Variants in PNKD observed in about 807,000 individuals in gnomAD.
PNKD encodes the protein PNKD metallo-beta-lactamase domain containing.
Under a neutral mutation model 45.3 loss-of-function variants are expected in PNKD, and 36 were observed. The observed-to-expected ratio is 0.80, with a 90% CI of 0.61 to 1.05. PNKD has a LOEUF of 1.05. PNKD is among the 50% of genes least tolerant of loss of function. PNKD has a pLI of 0.00. For synonymous variants in PNKD, 197 were observed against 210.1 expected, an observed-to-expected ratio of 0.94 and a Z score of 0.54; for missense variants, 511 against 506.6, an observed-to-expected ratio of 1.01 and a Z score of -0.08.
At chr2:218,324,080 C>G (rs1419354301) in intron 2 of PNKD, among the ~76,000 whole-genome samples, 1 of 152,200 alleles carries the variant, frequency 6.6e-6, no homozygotes, top group Admixed American at 6.5e-5. Context: ...TGATTTGTCT[C>G]CGTCGACCCT....
In PNKD at chr2:218,315,120, C is replaced by CTTTCTTTCTTTCTTTCTTTCTTT. The variant is rs1553667879; in HGVS notation, c.237-24663_237-24662insTTTCTTTCTTTCTTTCTTTCTTT. Among the ~76,000 whole-genome samples the CTTTCTTTCTTTCTTTCTTTCTTT allele has an allele frequency of 1.5e-4, 7 of 47,174 alleles. No individual in the cohort carries two copies. The South Asian group carries it at 0.012, about 78-fold the overall frequency. 30.9% of individuals were successfully genotyped at this position (47,174 alleles called of 152,430 possible). A position where few individuals can be genotyped will look rare whatever the true frequency, so the allele number is the denominator to read the frequency against. The stretch of plus-strand genomic sequence containing the variant: ...TCCTTCCTTCCTTCCTTCCTTCCTT[C>CTTTCTTTCTTTCTTTCTTTCTTT]CTTTCTTTCTTTCTTTCTTTCTTTC... On this transcript the variant is annotated intron_variant, in intron 2 of 9. Transcript: ENST00000273077.
chr2:218,316,268 CTT>C (rs397972881), intron 2 of PNKD, among the ~76,000 whole-genome samples: 3 of 119,582 alleles, frequency 2.5e-5, no homozygotes, highest in Admixed American at 9.3e-5. Context: ...TTCTTTCTTT[CTT>C]TTTTTTTTTT....
intron 2 of PNKD, chr2:218,277,571 A>G: frequency 6.2e-7 from 1 of 1,612,296 alleles, no homozygotes; most frequent in South Asian, 1.1e-5. Context: ...CTGCCGGCCC[A>G]GGAACACCCC....
chr2:218,314,319 C>G (rs146568540), intron 2 of PNKD, among the ~76,000 whole-genome samples: 224 of 146,662 alleles, frequency 1.5e-3, no homozygotes, highest in African/African-American at 5.5e-3. Context: ...CCTCCCAGGC[C>G]CAAGAGATCC....
At chr2:218,331,783 T>C (rs1694329801) in intron 2 of PNKD, among the ~76,000 whole-genome samples, 1 of 152,224 alleles carries the variant, frequency 6.6e-6, no homozygotes, top group African/African-American at 2.4e-5. Flanking sequence ...TTTGTATTTT[T>C]AATGAATATA....
At chr2:218,293,188 T>G (rs1284152928) in intron 2 of PNKD, among the ~76,000 whole-genome samples, 1 of 152,250 alleles carries the variant, frequency 6.6e-6, no homozygotes, top group Non-Finnish European at 1.5e-5. Context: ...TCAGAAGTCC[T>G]ACATTGAGAT....
At chr2:218,275,699 T>G in intron 2 of PNKD, 1 of 1,535,772 alleles carries the variant, frequency 6.5e-7, no homozygotes, top group African/African-American at 1.4e-5. Flanking sequence ...AGATTTGTCT[T>G]GGGGGCCTAT....
intron 2 of PNKD, among the ~76,000 whole-genome samples, 196 bp from the exon 3 acceptor site, chr2:218,339,587 G>A (rs1375440360): frequency 1.3e-5 from 2 of 152,052 alleles, no homozygotes; most frequent in African/African-American, 4.8e-5. Flanking sequence ...TGAGTTCTAG[G>A]TGTGTCCGTC....
Position 218,340,234 on chromosome 2 carries a change from C to T in PNKD, c.465+93C>T. 1 of 793,038 alleles carries T rather than the reference C, an allele frequency of 1.3e-6. No homozygotes were observed. The allele number at this position is 793,038 out of a possible 1,614,324, so 49.1% of individuals were successfully genotyped here. On this transcript the variant is annotated intron_variant, in intron 4 of 9. Transcript: ENST00000273077. The surrounding 1 kb of genome is among the most constrained non-coding windows in gnomAD (Gnocchi z 4.2). ...GAGAGGGCTGACCCTTGTCCGTCTG[C>T]CCGTGGGATGTGTCCCATATGCTCC...
At chr2:218,339,942 C>T (rs1194091928) in intron 3 of PNKD, 44 bp downstream of exon 3, 1 of 1,476,962 alleles carries the variant, frequency 6.8e-7, no homozygotes, top group Admixed American at 1.8e-5. Flanking sequence ...TTCTGTGCCC[C>T]CACCCTCCCC....
rs1289439135 is a variant in PNKD, at chr2:218,272,458, T to C, written c.236+909T>C. On this transcript the variant is annotated intron_variant, in intron 2 of 9. Transcript: ENST00000273077. ...GCCAGCACAGAGGATGAATAGACTA[T>C]AAGAGGTATTGCAGCATTCATGCAA... 4 of 949,106 alleles carry C rather than the reference T, an allele frequency of 4.2e-6. No homozygotes were observed. The African/African-American group carries it at 6.4e-5, about 15-fold the overall frequency. The allele number at this position is 949,106 out of a possible 1,614,324, so 58.8% of individuals were successfully genotyped here. A position where few individuals can be genotyped will look rare whatever the true frequency, so the allele number is the denominator to read the frequency against.
At chr2:218,323,119 G>A in intron 2 of PNKD, 1 of 1,249,112 alleles carries the variant, frequency 8.0e-7, no homozygotes, top group Non-Finnish European at 1.0e-6. Context: ...TGGTGAGGGG[G>A]CGGGTCCAAA....
At chr2:218,308,119 CA>C (rs5838690) in intron 2 of PNKD, among the ~76,000 whole-genome samples, 68,299 of 150,478 alleles carry the variant, frequency 0.45, 17,943 homozygotes, top group South Asian at 0.63. Context: ...TTTAAAAGCA[CA>C]AAAAAATAAT....
rs754958157 is a variant in PNKD at position 218,340,103 on chromosome 2, G to C, written c.427G>C (p.Ala143Pro). ...CATCATCGACACCCAGGCCCAGCTG[G>C]CTGTGGCTGTGGACCCTTCAGACCC... The part of the protein sequence containing the change: ...YLIIDTQAQL[A>P]VAVDPSDPRA... The change falls in exon 4 of 10, where the codon GCT (alanine) becomes CCT (proline). Residue 143 changes from alanine (A) to proline (P), a missense_variant. Physicochemically the swap from Ala to Pro is conservative, Grantham distance 27 (BLOSUM62 -1). Transcript: ENST00000273077. This position sits in a 1 kb window ranked among gnomAD's most constrained non-coding sequence, Gnocchi z 4.2. 3.1e-6 allele frequency: 5 copies of C among 1,613,854 alleles called. No individual in the cohort carries two copies. The highest frequency in any genetic ancestry group is 3.4e-6 in the Non-Finnish European group (4 of 1,179,818).
At chr2:218,272,690 T>C (rs1299597441) in intron 2 of PNKD, 1 of 1,614,160 alleles carries the variant, frequency 6.2e-7, no homozygotes, top group South Asian at 1.1e-5. Context: ...CGGGCGAGTA[T>C]GAGAGCCAGA....
intron 2 of PNKD, among the ~76,000 whole-genome samples, chr2:218,335,697 T>C (rs1694468993): frequency 6.6e-6 from 1 of 151,874 alleles, no homozygotes; most frequent in South Asian, 2.1e-4. Flanking sequence ...AAATAAAGGT[T>C]GGCAAAGCCC....
intron 2 of PNKD, chr2:218,272,518 T>G: frequency 6.3e-7 from 1 of 1,591,476 alleles, no homozygotes; most frequent in South Asian, 1.1e-5. Context: ...CCAGCTCCTC[T>G]GGCTCAGGCT....
chr2:218,318,950 C>CTTTTTT (rs769001811), intron 2 of PNKD, among the ~76,000 whole-genome samples: 18 of 99,900 alleles, frequency 1.8e-4, no homozygotes, highest in Non-Finnish European at 2.4e-4. Flanking sequence ...TTTTTTTTTT[C>CTTTTTT]TTTTTTTTTT....
In PNKD at chr2:218,280,303, C is replaced by T. The variant is rs938206649; in HGVS notation, c.236+8754C>T. 5.2e-5 allele frequency: 30 copies of T among 572,822 alleles called. 1 individual carries two copies. In the East Asian group the frequency reaches 8.8e-4, roughly 17 times the overall value. 35.5% of individuals were successfully genotyped at this position (572,822 alleles called of 1,614,324 possible). A position where few individuals can be genotyped will look rare whatever the true frequency, so the allele number is the denominator to read the frequency against. ...CACCCTCAGAGTGACCCAGAGCCGGCCTGTCACGAGGGGGCTTAGGTGGGA... is the reference window on the plus strand; with the variant it reads ...CACCCTCAGAGTGACCCAGAGCCGGTCTGTCACGAGGGGGCTTAGGTGGGA... On this transcript the variant is annotated intron_variant, in intron 2 of 9. Coordinates refer to ENST00000273077, the MANE Select transcript of PNKD (RefSeq NM_015488.5).
Sources: gnomAD v4.1 joint callset for allele counts (sites outside exome capture counted in the v4.1 genomes callset) on GRCh38, gnomAD v4.1.1 for gene constraint, Gnocchi (gnomAD v3.1) non-coding constraint, MANE v1.5 for transcripts, NCBI Gene and HGNC (gene_info 2026-07-23, HGNC 2026-07-21) for gene names.